Variants in NUP62 observed in about 807,000 individuals in gnomAD.
The protein encoded by NUP62 is nuclear pore glycoprotein p62.
For synonymous variants in NUP62, 305 were observed against 303.4 expected (o/e 1.01, Z -0.05); for missense variants, 647 against 689.4 (o/e 0.94, Z 0.69).
At position 49,908,618 on chromosome 19, in the gene NUP62, A is replaced by G. The variant is rs376633054; in HGVS notation, c.1190T>C (p.Leu397Pro). The change falls in exon 3 of 3, where the codon CTG (leucine) becomes CCG (proline). Residue 397 changes from leucine to proline, a missense_variant. By Grantham distance (98) the Leu-to-Pro change is moderately conservative. Transcript: ENST00000352066. Reference sequence around the variant, plus strand: ...GTCTTCCAGCTCCTTCTGCTGGGACAGGATGAAGTCGAGCTCCTGGTCCAG... The same window carrying G: ...GTCTTCCAGCTCCTTCTGCTGGGACGGGATGAAGTCGAGCTCCTGGTCCAG... ...KRLDQELDFI[L>P]SQQKELEDLL... 1.2e-6 allele frequency: 2 copies of G among 1,613,754 alleles called. No homozygotes were observed. The highest frequency in any genetic ancestry group is 1.7e-6 in the Non-Finnish European group (2 of 1,180,032).
At chr19:49,919,299 C>T (rs2075707024) in intron 2 of NUP62, among the ~76,000 whole-genome samples, 2 of 152,230 alleles carry the variant, frequency 1.3e-5, no homozygotes, top group South Asian at 4.1e-4. Context: ...TGCTGTTGCA[C>T]ATCTTTGCAG....
At chr19:49,913,999 C>T (rs1019964533) in intron 2 of NUP62, among the ~76,000 whole-genome samples, 3 of 152,162 alleles carry the variant, frequency 2.0e-5, no homozygotes, top group African/African-American at 7.2e-5. Context: ...GAGAGGACAG[C>T]ATCACAATTT....
Position 49,909,518 on chromosome 19 carries a change from A to G in NUP62, c.290T>C (p.Leu97Pro). 6.2e-7 allele frequency: 1 copy of G among 1,613,970 alleles called. No individual in the cohort carries two copies. The highest frequency in any genetic ancestry group is 8.5e-7 in the Non-Finnish European group (1 of 1,179,994). The change falls in exon 3 of 3, where the codon CTC becomes CCC. Residue 97 changes from leucine (L) to proline (P), a missense_variant. Physicochemically the swap from Leu to Pro is moderately conservative, Grantham distance 98. Transcript: ENST00000352066. Reference protein sequence around the residue: ...GFSLGIGASKLNLSNTAATPA... With the variant: ...GFSLGIGASKPNLSNTAATPA... ...GGTGGCAGCTGTGTTGCTCAAGTTG[A>G]GCTTTGAAGCACCGATCCCCAAAGA...
intron 1 of NUP62, chr19:49,929,064 G>A (rs975680702): frequency 3.9e-5 from 6 of 152,282 alleles, no homozygotes; most frequent in Admixed American, 3.3e-4. Context: ...GGAAGGAAAG[G>A]CTCGGATCCC....
At position 49,924,116 on chromosome 19, in the gene NUP62, G is replaced by A. The variant is rs187986428; in HGVS notation, c.-78+3578C>T. ...AGCAGCAGGCCTGAGGTGAGGGTCA[G>A]GGCTTGGAGACCTCCCAGAGACTAC... On this transcript the variant is annotated intron_variant, in intron 2 of 2. Coordinates refer to ENST00000352066, the MANE Select transcript of NUP62 (RefSeq NM_016553.5). Among the ~76,000 whole-genome samples the A allele has an allele frequency of 5.4e-4, 81 of 151,284 alleles. 1 individual carries two copies. In the East Asian group the frequency reaches 0.015, roughly 28 times the overall value.
Position 49,909,964 on chromosome 19 carries a change from G to A in NUP62, c.-77-80C>T. 5.3e-6 allele frequency: 4 copies of A among 755,724 alleles called. No homozygotes were observed. In the East Asian group the frequency reaches 1.1e-4, roughly 20 times the overall value. 46.8% of individuals were successfully genotyped at this position (755,724 alleles called of 1,614,324 possible). On this transcript the variant is annotated intron_variant, in intron 2 of 2. Coordinates refer to ENST00000352066, the MANE Select transcript of NUP62 (RefSeq NM_016553.5). Reference sequence around the variant, plus strand: ...TGGCATGACTGGGCACAGTCGGTTTGGAGGGTGGTGGGATGGGATAATGAT... The same window carrying A: ...TGGCATGACTGGGCACAGTCGGTTTAGAGGGTGGTGGGATGGGATAATGAT...
intron 2 of NUP62, among the ~76,000 whole-genome samples, chr19:49,922,461 C>T (rs537345837): frequency 2.2e-4 from 34 of 152,066 alleles, no homozygotes; most frequent in African/African-American, 7.2e-4. Flanking sequence ...CGGGCTGTGT[C>T]GGAATGAAGC....
At position 49,909,868 on chromosome 19, in the gene NUP62, C is replaced by A. The variant is rs1368525673; in HGVS notation, c.-61G>T. On this transcript the variant is annotated 5_prime_UTR_variant, in exon 3 of 3. Coordinates refer to ENST00000352066, the MANE Select transcript of NUP62 (RefSeq NM_016553.5). ...CCCAAAGCAAATCCGTCGGTGTCTG[C>A]AGCCTTGGGAAGATTTCTAAAGCAG... 1 of 1,557,496 alleles carries A rather than the reference C, an allele frequency of 6.4e-7. No individual in the cohort carries two copies. Among genetic ancestry groups the A allele is most frequent in the Non-Finnish European group, 8.8e-7 (1 of 1,132,676 alleles).
At chr19:49,909,990 G>C (rs903029029) in intron 2 of NUP62, 106 bp from the exon 3 acceptor site, 1 of 700,616 alleles carries the variant, frequency 1.4e-6, no homozygotes, top group African/African-American at 1.8e-5. Flanking sequence ...GGATAATGAT[G>C]CATGCTGTGT....
At chr19:49,913,366 C>A (rs2075529716) in intron 2 of NUP62, among the ~76,000 whole-genome samples, 1 of 152,160 alleles carries the variant, frequency 6.6e-6, no homozygotes, top group Non-Finnish European at 1.5e-5. Context: ...GATAAGAGCG[C>A]CTTTGTTTAC....
chr19:49,915,396 A>AG (rs2075598140), intron 2 of NUP62, among the ~76,000 whole-genome samples: 1 of 152,202 alleles, frequency 6.6e-6, no homozygotes, highest in Admixed American at 6.5e-5. Context: ...TTTGAAGATG[A>AG]GGGGGCCACA....
In NUP62 at chr19:49,925,795, A is replaced by G. The variant is rs548164757; in HGVS notation, c.-78+1899T>C. ...TTGCCTTGGTTGTGACAAATGTGGC[A>G]AAGTAATGTAAAATGTTAATGGAAA... On this transcript the variant is annotated intron_variant, in intron 2 of 2. Transcript: ENST00000352066. 9.2e-5 allele frequency among the ~76,000 whole-genome samples: 14 copies of G among 152,370 alleles called. No homozygotes were observed. The East Asian group carries it at 2.7e-3, about 29-fold the overall frequency.
chr19:49,910,880 G>A (rs1208099582), intron 2 of NUP62, among the ~76,000 whole-genome samples: 2 of 152,144 alleles, frequency 1.3e-5, no homozygotes, highest in African/African-American at 2.4e-5. Context: ...GTGAGGAAAG[G>A]GTGAGAGGGA....
At chr19:49,927,059 C>T (rs2075912677) in intron 2 of NUP62, among the ~76,000 whole-genome samples, 1 of 152,040 alleles carries the variant, frequency 6.6e-6, no homozygotes, top group South Asian at 2.1e-4. Flanking sequence ...CAGGGTTTCA[C>T]CATGTTGCCC....
rs1600494453 is a variant in NUP62 at position 49,908,103 on chromosome 19, G to A, written c.*136C>T. 14 of 1,490,028 alleles carry A rather than the reference G, an allele frequency of 9.4e-6. No homozygotes were observed. Among genetic ancestry groups the A allele is most frequent in the African/African-American group, 1.4e-5 (1 of 71,668 alleles). The allele number at this position is 1,490,028 out of a possible 1,614,324, so 92.3% of individuals were successfully genotyped here. ...AATGGAAAAACGCAAAGCACACAGC[G>A]ATCATGTCAAGGGCAGTCATGTGAA... On this transcript the variant is annotated 3_prime_UTR_variant, in exon 3 of 3. Transcript: ENST00000352066.
Position 49,907,994 on chromosome 19 carries a change from G to C in NUP62, c.*245C>G. 9.3e-6 allele frequency: 7 copies of C among 750,164 alleles called. No individual in the cohort carries two copies. The East Asian group carries it at 2.0e-4, about 21-fold the overall frequency. The allele number at this position is 750,164 out of a possible 1,614,324, so 46.5% of individuals were successfully genotyped here. A position where few individuals can be genotyped will look rare whatever the true frequency, so the allele number is the denominator to read the frequency against. On this transcript the variant is annotated 3_prime_UTR_variant, in exon 3 of 3. Coordinates refer to ENST00000352066, the MANE Select transcript of NUP62 (RefSeq NM_016553.5). ...GGTGGGTGGTCGCAGTAGGTGAAAA[G>C]GGGCCAAAGATACTCAAATGAAAGC...
chr19:49,914,726 G>GCTTTTTT (rs2075575319), intron 2 of NUP62, among the ~76,000 whole-genome samples: 1 of 56,362 alleles, frequency 1.8e-5, no homozygotes, highest in African/African-American at 6.5e-5. Flanking sequence ...CCAAGTCCCA[G>GCTTTTTT]TTTTTTTTTT....
At chr19:49,920,064 C>T (rs977085693) in intron 2 of NUP62, among the ~76,000 whole-genome samples, 1 of 151,942 alleles carries the variant, frequency 6.6e-6, no homozygotes, top group Admixed American at 6.6e-5. Context: ...GCTGGGATTA[C>T]ACATGTGTGC....
Position 49,908,443 on chromosome 19 carries a change from G to C in NUP62, c.1365C>G (p.Ile455Met), listed in dbSNP as rs1568697899. 6.2e-7 allele frequency: 1 copy of C among 1,614,140 alleles called. No homozygotes were observed. Among genetic ancestry groups the C allele is most frequent in the Non-Finnish European group, 8.5e-7 (1 of 1,180,046 alleles). The change falls in exon 3 of 3, where the codon ATC becomes ATG. Residue 455 changes from isoleucine (I) to methionine (M), a missense_variant. Ile to Met is a conservative substitution (Grantham distance 10). Coordinates refer to ENST00000352066, the MANE Select transcript of NUP62 (RefSeq NM_016553.5). ...KRMAQDLKDI[I>M]EHLNTSGAPA... ...GGGCCCCGGACGTGTTCAGGTGCTC[G>C]ATGATGTCCTTGAGATCCTGGGCCA...
Sources: allele counts gnomAD v4.1 joint callset (sites outside exome capture counted in the v4.1 genomes callset), GRCh38; gene constraint gnomAD v4.1.1; transcripts MANE v1.5; gene names NCBI Gene and HGNC (gene_info 2026-07-23, HGNC 2026-07-21).